The following THSD7B variants were observed in gnomAD, a reference collection of about 807,000 sequenced individuals.
The protein encoded by THSD7B is thrombospondin type-1 domain-containing protein 7B.
In THSD7B, 138 loss-of-function variants were observed where a neutral mutation model predicts 213.6. The observed-to-expected ratio is 0.65, with a 90% CI of 0.56 to 0.74. The LOEUF (loss-of-function observed/expected upper bound fraction) is 0.74. Ranked by LOEUF, THSD7B falls within the 30% of genes least tolerant of loss-of-function variation. The pLI, the probability that THSD7B is intolerant of heterozygous loss-of-function variation, is 0.00. For synonymous variants in THSD7B, 742 were observed against 687.0 expected, an observed-to-expected ratio of 1.08 and a Z score of -1.25; for missense variants, 1,931 against 1,991.5, an observed-to-expected ratio of 0.97 and a Z score of 0.58.
At chr2:137,315,812 T>G (rs1684085536) in intron 12 of THSD7B, among the ~76,000 whole-genome samples, 1 of 152,226 alleles carries the variant, frequency 6.6e-6, no homozygotes, top group Admixed American at 6.5e-5. Context: ...AAGCTGCCTG[T>G]TGTAATTTCT....
At chr2:137,113,484 T>C (rs1688389442) in intron 4 of THSD7B, among the ~76,000 whole-genome samples, 1 of 152,196 alleles carries the variant, frequency 6.6e-6, no homozygotes, top group Non-Finnish European at 1.5e-5. Context: ...TTGCCCAGGC[T>C]GGAGTGCAAT....
intron 10 of THSD7B, among the ~76,000 whole-genome samples, chr2:137,246,332 A>G (rs975445852): frequency 7.9e-5 from 12 of 152,156 alleles, no homozygotes; most frequent in Admixed American, 1.3e-4. Context: ...AAAATCTCTG[A>G]TGCCTGGATC....
At chr2:137,205,954 AACTT>A (rs1680975115) in intron 7 of THSD7B, among the ~76,000 whole-genome samples, 1 of 152,032 alleles carries the variant, frequency 6.6e-6, no homozygotes, top group African/African-American at 2.4e-5. Flanking sequence ...ACTATCTACT[AACTT>A]ATTTTCTTCT....
At chr2:137,525,323 A>G (rs1165754707) in intron 15 of THSD7B, among the ~76,000 whole-genome samples, 2 of 152,188 alleles carry the variant, frequency 1.3e-5, no homozygotes, top group Non-Finnish European at 2.9e-5. Flanking sequence ...AGGGAGAATC[A>G]CTGCCCCAGA....
intron 12 of THSD7B, among the ~76,000 whole-genome samples, chr2:137,345,200 G>A (rs1296620353): frequency 6.6e-6 from 1 of 151,616 alleles, no homozygotes; most frequent in Non-Finnish European, 1.5e-5. Flanking sequence ...TTAAGAAAAT[G>A]CAGTATCACC....
At chr2:136,892,633 C>G (rs562259548) in intron 2 of THSD7B, among the ~76,000 whole-genome samples, 3 of 151,920 alleles carry the variant, frequency 2.0e-5, no homozygotes, top group South Asian at 4.2e-4. Flanking sequence ...CTACTCTTCT[C>G]AAGAATGTCC....
intron 2 of THSD7B, among the ~76,000 whole-genome samples, chr2:136,935,958 GAAT>G (rs1684719060): frequency 6.8e-6 from 1 of 146,312 alleles, no homozygotes; most frequent in Non-Finnish European, 1.5e-5. Context: ...ATATTCTAGA[GAAT>G]ATTCTAAATA....
chr2:137,099,342 G>A (rs970647993), intron 4 of THSD7B, among the ~76,000 whole-genome samples: 7 of 152,206 alleles, frequency 4.6e-5, no homozygotes, highest in African/African-American at 1.7e-4. Flanking sequence ...TAAGGGGAAG[G>A]CAAAAAGCAT....
At position 137,563,319 on chromosome 2, in the gene THSD7B, G is replaced by T. The variant is rs369267845; in HGVS notation, c.3237G>T (p.Leu1079=). 2.5e-6 allele frequency: 4 copies of T among 1,613,248 alleles called. No homozygotes were observed. The African/African-American group carries it at 4.0e-5, about 16-fold the overall frequency. Residue 1079 remains leucine (L), a synonymous_variant, in exon 16 of 28, where the codon CTG becomes CTT. Transcript: ENST00000409968. ...SCKINNELRS[L]RCGGGTQSRK... is the part of the protein sequence containing the mutation. ...AAATCAACAATGAGCTGAGGTCCCTGCGCTGTGGAGGAGGAACACAATCTA... is the reference window on the plus strand; with the variant it reads ...AAATCAACAATGAGCTGAGGTCCCTTCGCTGTGGAGGAGGAACACAATCTA...
Position 137,667,778 on chromosome 2 carries a change from C to A in THSD7B, c.4656C>A (p.Gly1552=), listed in dbSNP as rs1347943050. The A allele has an allele frequency of 2.5e-6, 4 of 1,601,882 alleles. No individual in the cohort carries two copies. Among genetic ancestry groups the A allele is most frequent in the Non-Finnish European group, 2.6e-6 (3 of 1,173,394 alleles). ...GWSLQPLDPD[G]RVKIWVYGVS... ...TGTTATCTCTATTTTAAACAGATGG[C>A]CGAGTAAAAATTTGGGTTTATGGCG... Residue 1552 remains glycine, a synonymous_variant, in exon 27 of 28, where the codon GGC becomes GGA. Coordinates refer to ENST00000409968, the MANE Select transcript of THSD7B (RefSeq NM_001316349.2).
intron 1 of THSD7B, among the ~76,000 whole-genome samples, chr2:136,868,038 A>G (rs917422376): frequency 2.6e-5 from 4 of 152,224 alleles, no homozygotes; most frequent in Admixed American, 6.5e-5. Context: ...AATGAAATAT[A>G]CTTCAAGACA....
chr2:136,956,426 C>G (rs557497739), intron 2 of THSD7B, among the ~76,000 whole-genome samples: 8 of 152,202 alleles, frequency 5.3e-5, no homozygotes, highest in African/African-American at 1.9e-4. Context: ...GACCAATAGC[C>G]CCGTGTCTCT....
At chr2:137,438,386 C>CA (rs1427359286) in intron 14 of THSD7B, among the ~76,000 whole-genome samples, 2 of 152,086 alleles carry the variant, frequency 1.3e-5, no homozygotes, top group Non-Finnish European at 2.9e-5. Flanking sequence ...TAATCTTATG[C>CA]AATGGGTACT....
chr2:137,580,526 A>AT lies in THSD7B; in HGVS notation c.3423+7971dup, dbSNP rs1328008705. Reference sequence around the variant, plus strand: ...AATGACTTTTACCTATCCTTTCTTGATATTCACATTATCTTTCCTAGACAT... The same window carrying AT: ...AATGACTTTTACCTATCCTTTCTTGATTATTCACATTATCTTTCCTAGACAT... On this transcript the variant is annotated intron_variant, in intron 17 of 27. Transcript: ENST00000409968. Among the ~76,000 whole-genome samples the AT allele has an allele frequency of 2.0e-5, 3 of 152,200 alleles. No homozygotes were observed. In the East Asian group the frequency reaches 5.8e-4, roughly 29 times the overall value.
At chr2:136,945,515 C>A (rs1022434653) in intron 2 of THSD7B, among the ~76,000 whole-genome samples, 1 of 152,132 alleles carries the variant, frequency 6.6e-6, no homozygotes, top group Non-Finnish European at 1.5e-5. Flanking sequence ...GAATGTTGGT[C>A]TGCCTGTCTA....
At chr2:137,310,750 A>G (rs1365439200) in intron 12 of THSD7B, among the ~76,000 whole-genome samples, 3 of 151,810 alleles carry the variant, frequency 2.0e-5, no homozygotes, top group Non-Finnish European at 4.4e-5. Flanking sequence ...AGCACCATTT[A>G]TTAAATAGGG....
chr2:136,833,167 C>T (rs1682782748), intron 1 of THSD7B, among the ~76,000 whole-genome samples: 1 of 151,850 alleles, frequency 6.6e-6, no homozygotes, highest in African/African-American at 2.4e-5. Context: ...AGATCAAGAC[C>T]ATCCTGGATA....
At chr2:137,283,004 C>T (rs1445409186) in intron 12 of THSD7B, among the ~76,000 whole-genome samples, 1 of 152,082 alleles carries the variant, frequency 6.6e-6, no homozygotes, top group East Asian at 1.9e-4. Flanking sequence ...GCAGTATGGC[C>T]ATTTTCACGA....
Position 137,657,072 on chromosome 2 carries a change from A to G in THSD7B, c.4287A>G (p.Lys1429=), listed in dbSNP as rs771975832. The G allele has an allele frequency of 6.2e-7, 1 of 1,613,998 alleles. No individual in the cohort carries two copies. The highest frequency in any genetic ancestry group is 8.5e-7 in the Non-Finnish European group (1 of 1,179,888). Residue 1429 remains lysine, a synonymous_variant, in exon 24 of 28, where the codon AAA becomes AAG. Coordinates refer to ENST00000409968, the MANE Select transcript of THSD7B (RefSeq NM_001316349.2). ...TATCATATTTACTTACAGGAGGCAA[A>G]TGTTATCACTACACATGGAAAGCAA... The part of the protein sequence containing the change: ...VLETRPCTGG[K]CYHYTWKASL...
Sources: allele counts gnomAD v4.1 joint callset (sites outside exome capture counted in the v4.1 genomes callset), GRCh38; gene constraint gnomAD v4.1.1; transcripts MANE v1.5; gene names NCBI Gene and HGNC (gene_info 2026-07-23, HGNC 2026-07-21).